The following SPG11 variants were observed in gnomAD, a reference collection of about 807,000 sequenced individuals.
SPG11 encodes SPG11 vesicle trafficking associated, spatacsin.
Under a neutral mutation model 274.0 loss-of-function variants are expected in SPG11, and 222 were observed. That is an observed-to-expected ratio of 0.81 (90% CI 0.73 to 0.91). The LOEUF (loss-of-function observed/expected upper bound fraction) is 0.91, where lower values mean the gene tolerates loss of function less well. Ranked by LOEUF, SPG11 falls within the 40% of genes least tolerant of loss-of-function variation. The pLI is 0.00. For synonymous variants in SPG11, 1,144 were observed against 1,039.7 expected (o/e 1.10, Z -1.93); for missense variants, 3,114 against 2,872.7 (o/e 1.08, Z -1.92).
rs752765646 is a variant in SPG11 at position 44,563,234 on chromosome 15, C to T, written c.7219G>A (p.Asp2407Asn). 1 of 1,614,024 alleles carries T rather than the reference C, an allele frequency of 6.2e-7. No homozygotes were observed. Among genetic ancestry groups the T allele is most frequent in the Non-Finnish European group, 8.5e-7 (1 of 1,179,866 alleles). Residue 2407 changes from aspartate (D) to asparagine (N), a missense_variant, in exon 40 of 40, where the codon GAT (aspartate) becomes AAT (asparagine). Asp to Asn is a conservative substitution (Grantham distance 23, BLOSUM62 1). Transcript: ENST00000261866. ...NLKKLLTYCE[D>N]VYLYYKLAYE... ...GCCAACTTGTAATACAGGTAAACAT[C>T]TTCACAATATGTGAGTAATTTCTTC...
chr15:44,573,907 C>A, intron 31 of SPG11, 162 bp from the exon 32 acceptor site: 1 of 671,842 alleles, frequency 1.5e-6, no homozygotes. Flanking sequence ...GTTTTCTAAC[C>A]CTTTCTATCA....
chr15:44,601,644 G>A (rs538185213), intron 20 of SPG11, among the ~76,000 whole-genome samples: 7 of 147,686 alleles, frequency 4.7e-5, no homozygotes, highest in African/African-American at 1.8e-4. Flanking sequence ...TGCAACTTCC[G>A]CCTCCTGGGT....
intron 7 of SPG11, among the ~76,000 whole-genome samples, chr15:44,641,517 A>C (rs939044264): frequency 6.6e-6 from 1 of 151,766 alleles, no homozygotes; most frequent in Non-Finnish European, 1.5e-5. Flanking sequence ...AAAAAGAAAA[A>C]TACCCGAAAA....
At chr15:44,566,899 C>T (rs1358220382) in intron 36 of SPG11, among the ~76,000 whole-genome samples, 1 of 151,974 alleles carries the variant, frequency 6.6e-6, no homozygotes, top group Admixed American at 6.6e-5. Context: ...GACAGGATTG[C>T]ACCATGTTGC....
At position 44,636,426 on chromosome 15, in the gene SPG11, G is replaced by GA. The variant is rs1002791400; in HGVS notation, c.1603-2790dup. On this transcript the variant is annotated intron_variant, in intron 7 of 39. Transcript: ENST00000261866. ...AAGTTTGCAACTTTAAAATGGTTAA[G>GA]AAAAAAAAAAAGGTACAATTAAAAC... is the stretch of plus-strand genomic sequence containing the variant. 6.1e-3 allele frequency among the ~76,000 whole-genome samples: 873 copies of GA among 142,016 alleles called. 10 individuals are homozygous for GA. Among genetic ancestry groups the GA allele is most frequent in the African/African-American group, 0.021 (814 of 38,934 alleles). The allele number at this position is 142,016 out of a possible 152,430, so 93.2% of individuals were successfully genotyped here.
intron 20 of SPG11, among the ~76,000 whole-genome samples, chr15:44,602,540 G>A (rs1219271853): frequency 1.3e-5 from 2 of 150,584 alleles, no homozygotes; most frequent in Non-Finnish European, 3.0e-5. Context: ...GTGCAATAGC[G>A]TGATCTTGGC....
chr15:44,608,296 A>C, intron 19 of SPG11, 148 bp downstream of exon 19: 1 of 846,834 alleles, frequency 1.2e-6, no homozygotes, highest in East Asian at 2.7e-5. Context: ...GGGTTGTCTC[A>C]CTATCACATT....
At chr15:44,574,707 C>T (rs111695249) in intron 31 of SPG11, among the ~76,000 whole-genome samples, 195 bp downstream of exon 31, 2,108 of 152,268 alleles carry the variant, frequency 0.014, 24 homozygotes, top group Middle Eastern at 0.058. Context: ...GGAGTCAGAT[C>T]GCCCTGGCAC....
intron 13 of SPG11, 116 bp from the exon 14 acceptor site, chr15:44,622,050 A>G: frequency 8.6e-7 from 1 of 1,158,844 alleles, no homozygotes; most frequent in South Asian, 1.4e-5. Flanking sequence ...TGATTATGCA[A>G]ATATTAAAAT....
At chr15:44,655,540 C>T (rs2084915645) in intron 4 of SPG11, among the ~76,000 whole-genome samples, 1 of 152,192 alleles carries the variant, frequency 6.6e-6, no homozygotes, top group South Asian at 2.1e-4. Flanking sequence ...CAATACAGTA[C>T]AGTACTGTAA....
At chr15:44,613,359 G>A (rs2083509101) in intron 17 of SPG11, 71 bp downstream of exon 17, 1 of 1,001,848 alleles carries the variant, frequency 1.0e-6, no homozygotes, top group Non-Finnish European at 1.6e-6. Context: ...GAGTTCACAA[G>A]TTTAATACCA....
intron 30 of SPG11, among the ~76,000 whole-genome samples, chr15:44,580,149 A>G (rs1240169385): frequency 1.3e-5 from 2 of 152,192 alleles, no homozygotes; most frequent in African/African-American, 4.8e-5. Flanking sequence ...CATATTTTTT[A>G]CTGTACCTTT....
At chr15:44,610,794 T>C in intron 18 of SPG11, 46 bp downstream of exon 18, 2 of 1,557,298 alleles carry the variant, frequency 1.3e-6, no homozygotes, top group South Asian at 1.1e-5. Context: ...ATAATTCTGC[T>C]AAATTTAAAA....
intron 28 of SPG11, among the ~76,000 whole-genome samples, chr15:44,586,376 T>C (rs1268757849): frequency 6.6e-6 from 1 of 152,150 alleles, no homozygotes; most frequent in Non-Finnish European, 1.5e-5. Context: ...CTAGGCGTAG[T>C]GGCTCACGCC....
intron 30 of SPG11, among the ~76,000 whole-genome samples, chr15:44,581,577 G>A (rs2082659044): frequency 6.7e-6 from 1 of 149,432 alleles, no homozygotes; most frequent in Non-Finnish European, 1.5e-5. Flanking sequence ...GACATTCTCA[G>A]ATGATGAAAA....
intron 30 of SPG11, among the ~76,000 whole-genome samples, chr15:44,577,502 C>CAAAAAAAAA (rs755097423): frequency 1.1e-5 from 1 of 91,708 alleles, no homozygotes; most frequent in South Asian, 3.5e-4. Context: ...GGCCCTATCT[C>CAAAAAAAAA]AAAAAAAAAA....
At position 44,628,697 on chromosome 15, in the gene SPG11, C is replaced by A. The variant is rs745860301; in HGVS notation, c.2039G>T (p.Ser680Ile). 5 of 1,613,572 alleles carry A rather than the reference C, an allele frequency of 3.1e-6. No homozygotes were observed. The African/African-American group carries it at 6.7e-5, about 22-fold the overall frequency. ...VHENVPKVKE[S>I]NIWKKLSFEE... is the part of the protein sequence containing the mutation. ...AAAGCTGAGTTTCTTCCATATATTG[C>A]TCTCCTTTACTTTGGGGACATTTTC... The change falls in exon 10 of 40, where the codon AGC becomes ATC. Residue 680 changes from serine to isoleucine, a missense_variant. Ser to Ile is a moderately radical substitution (Grantham distance 142, BLOSUM62 -2). Transcript: ENST00000261866.
At chr15:44,569,809 C>T (rs1039700213) in intron 34 of SPG11, among the ~76,000 whole-genome samples, 1 of 151,814 alleles carries the variant, frequency 6.6e-6, no homozygotes, top group Non-Finnish European at 1.5e-5. Flanking sequence ...CTCCGCCTCC[C>T]GGGTTCAAGC....
Position 44,596,223 on chromosome 15 carries a change from G to C in SPG11, c.4294C>G (p.Gln1432Glu). The C allele has an allele frequency of 1.2e-6, 2 of 1,614,122 alleles. No individual in the cohort carries two copies. Among genetic ancestry groups the C allele is most frequent in the Non-Finnish European group, 1.7e-6 (2 of 1,180,014 alleles). ...TCGGTCATCTCTTGTTTGCTTCCTTGAAGTTCCTGGGGGCACTTATTGCAG... is the reference window on the plus strand; with the variant it reads ...TCGGTCATCTCTTGTTTGCTTCCTTCAAGTTCCTGGGGGCACTTATTGCAG... ...QVCNKCPQEL[Q>E]GSKQEMTDLF... The change falls in exon 25 of 40, where the codon CAA (glutamine) becomes GAA (glutamate). Residue 1432 changes from glutamine (Q) to glutamate (E), a missense_variant. Gln to Glu is a conservative substitution (Grantham distance 29). Coordinates refer to ENST00000261866, the MANE Select transcript of SPG11 (RefSeq NM_025137.4).
Sources: gnomAD v4.1 joint callset for allele counts (sites outside exome capture counted in the v4.1 genomes callset) on GRCh38, gnomAD v4.1.1 for gene constraint, MANE v1.5 for transcripts, NCBI Gene and HGNC (gene_info 2026-07-23, HGNC 2026-07-21) for gene names.